Variants in SESTD1 observed in about 807,000 individuals in gnomAD.
SESTD1 encodes the protein SEC14 domain and spectrin repeat-containing protein 1.
Under a neutral mutation model 101.7 loss-of-function variants are expected in SESTD1, and 43 were observed. The ratio of observed to expected loss-of-function variants is 0.42; its 90% confidence interval spans 0.33 to 0.55. The LOEUF is 0.55. Ranked by LOEUF, SESTD1 falls within the 20% of genes least tolerant of loss-of-function variation. The probability of loss-of-function intolerance (pLI) is 0.07; values close to 1 mark genes in which losing one functional copy is unlikely to be tolerated. For missense variants in SESTD1, 647 were observed against 815.1 expected (o/e 0.79, Z 2.51); for synonymous variants, 283 against 286.8 (o/e 0.99, Z 0.13).
intron 5 of SESTD1, among the ~76,000 whole-genome samples, chr2:179,155,175 TA>T (rs915625366): frequency 2.0e-5 from 3 of 152,076 alleles, no homozygotes; most frequent in Admixed American, 6.5e-5. Context: ...CCTGGCCTCC[TA>T]AAGTGCTAGG....
At chr2:179,179,635 T>A (rs1408649508) in intron 3 of SESTD1, among the ~76,000 whole-genome samples, 1 of 152,238 alleles carries the variant, frequency 6.6e-6, no homozygotes, top group African/African-American at 2.4e-5. Flanking sequence ...AAAGCAAGAA[T>A]GTTATCTTAC....
intron 1 of SESTD1, among the ~76,000 whole-genome samples, chr2:179,249,167 C>T (rs1423155648): frequency 7.5e-6 from 1 of 133,554 alleles, no homozygotes; most frequent in Admixed American, 7.7e-5. Context: ...TTTGGAAGTT[C>T]TAATCAGTGC....
intron 1 of SESTD1, among the ~76,000 whole-genome samples, chr2:179,195,801 GA>G (rs1007583293): frequency 2.7e-5 from 4 of 149,828 alleles, no homozygotes; most frequent in African/African-American, 9.9e-5. Context: ...AGAGAGACAT[GA>G]AGAAGGTTAT....
chr2:179,260,507 C>T (rs990195510), intron 1 of SESTD1, among the ~76,000 whole-genome samples: 9 of 152,066 alleles, frequency 5.9e-5, no homozygotes, highest in African/African-American at 2.2e-4. Flanking sequence ...CAGAGTGAGA[C>T]CCTGTCTCAA....
At chr2:179,112,102 T>A (rs2044524149) in intron 17 of SESTD1, among the ~76,000 whole-genome samples, 1 of 152,110 alleles carries the variant, frequency 6.6e-6, no homozygotes, top group Admixed American at 6.6e-5. Context: ...AATGGAAAGG[T>A]GTAAGATAAT....
intron 1 of SESTD1, among the ~76,000 whole-genome samples, chr2:179,221,611 T>A (rs2046816588): frequency 7.2e-6 from 1 of 138,664 alleles, no homozygotes; most frequent in Non-Finnish European, 1.6e-5. Context: ...AGAGTGAGAC[T>A]GTTAAGGAAA....
chr2:179,234,277 C>T (rs1244022548), intron 1 of SESTD1, among the ~76,000 whole-genome samples: 4 of 152,156 alleles, frequency 2.6e-5, no homozygotes, highest in Admixed American at 6.5e-5. Flanking sequence ...GCAGATTAGA[C>T]TTACCAGCCT....
In SESTD1 at chr2:179,110,057, C is replaced by T. The variant is rs372045930; in HGVS notation, c.1962-29G>A. ...AAAATCAAAACACACAGAAAAACCT[C>T]AGATTAATACAAATCTATTAACTGC... is the stretch of plus-strand genomic sequence containing the variant. On this transcript the variant is annotated intron_variant, in intron 17 of 17. Transcript: ENST00000428443. 3.8e-4 allele frequency: 608 copies of T among 1,608,690 alleles called. 1 individual carries two copies. The highest frequency in any genetic ancestry group is 4.7e-4 in the Non-Finnish European group (550 of 1,177,344).
At chr2:179,144,094 T>C (rs1459817810) in intron 8 of SESTD1, among the ~76,000 whole-genome samples, 1 of 151,452 alleles carries the variant, frequency 6.6e-6, no homozygotes, top group Non-Finnish European at 1.5e-5. Flanking sequence ...ATACTACATA[T>C]TAAATATGGC....
intron 5 of SESTD1, among the ~76,000 whole-genome samples, chr2:179,151,607 AAAC>A (rs141527829): frequency 0.013 from 1,928 of 152,300 alleles, 37 homozygotes; most frequent in Middle Eastern, 0.02. Flanking sequence ...ACATTTTAAA[AAAC>A]AACAGGTACC....
At chr2:179,142,762 A>C (rs74836990) in intron 9 of SESTD1, among the ~76,000 whole-genome samples, 4,076 of 152,296 alleles carry the variant, frequency 0.027, 86 homozygotes, top group Non-Finnish European at 0.035. Flanking sequence ...ACCTGAAGCT[A>C]GAGAAATAAT....
chr2:179,215,654 T>C (rs1197544156), intron 1 of SESTD1, among the ~76,000 whole-genome samples: 2 of 134,086 alleles, frequency 1.5e-5, no homozygotes, highest in Non-Finnish European at 3.2e-5. Flanking sequence ...GCCAGCATCA[T>C]CCTGATTCCA....
Position 179,124,438 on chromosome 2 carries a change from G to T in SESTD1, c.1093C>A (p.Arg365=), listed in dbSNP as rs1354402436. The T allele has an allele frequency of 1.2e-6, 2 of 1,614,028 alleles. No homozygotes were observed. The highest frequency in any genetic ancestry group is 1.7e-6 in the Non-Finnish European group (2 of 1,179,962). Residue 365 remains arginine (R), a synonymous_variant, in exon 11 of 18, where the codon CGA becomes AGA. Transcript: ENST00000428443. Reference sequence around the variant, plus strand: ...CTAAATTCCAGCTGACTGGCCTGTCGATAACAAACATCACTAAGTTGTTGC... The same window carrying T: ...CTAAATTCCAGCTGACTGGCCTGTCTATAACAAACATCACTAAGTTGTTGC... ...LQQQLSDVCY[R]QASQLEFRQN...
rs2044432575 is a variant in SESTD1, at chr2:179,108,403, A to T, written c.*1496T>A. 6.6e-6 allele frequency: 1 copy of T among 152,280 alleles called. No individual in the cohort carries two copies. The highest frequency in any genetic ancestry group is 2.4e-5 in the African/African-American group (1 of 41,436). 9.4% of individuals were successfully genotyped at this position (152,280 alleles called of 1,614,324 possible). Reference sequence around the variant, plus strand: ...GGTAAGGGATTCAGACGGAGAAAAAAACCATTCAGTTTGGTAACTGGGAGG... The same window carrying T: ...GGTAAGGGATTCAGACGGAGAAAAATACCATTCAGTTTGGTAACTGGGAGG... On this transcript the variant is annotated 3_prime_UTR_variant, in exon 18 of 18. Transcript: ENST00000428443.
At chr2:179,177,779 A>G (rs2046036370) in intron 3 of SESTD1, among the ~76,000 whole-genome samples, 1 of 152,256 alleles carries the variant, frequency 6.6e-6, no homozygotes, top group African/African-American at 2.4e-5. Context: ...TAATAGCTGA[A>G]GAGTAGAAAC....
At chr2:179,256,279 A>G (rs1330153453) in intron 1 of SESTD1, among the ~76,000 whole-genome samples, 2 of 152,246 alleles carry the variant, frequency 1.3e-5, no homozygotes, top group Non-Finnish European at 2.9e-5. Flanking sequence ...AGAACATTCT[A>G]GAAAAGATTC....
rs185230276 is a variant in SESTD1, at chr2:179,206,332, A to G, written c.-25-14466T>C. ...AAAACAGCTAAAAAACTGTGAATCA[A>G]TGAAGTGTGAGAGGGGGAAAAGTCA... On this transcript the variant is annotated intron_variant, in intron 1 of 17. Coordinates refer to ENST00000428443, the MANE Select transcript of SESTD1 (RefSeq NM_178123.5). 4.4e-3 allele frequency among the ~76,000 whole-genome samples: 577 copies of G among 131,972 alleles called. 95 individuals are homozygous for G. The highest frequency in any genetic ancestry group is 6.5e-3 in the Non-Finnish European group (392 of 60,434). 86.6% of individuals were successfully genotyped at this position (131,972 alleles called of 152,430 possible).
intron 17 of SESTD1, among the ~76,000 whole-genome samples, chr2:179,111,042 G>A (rs1227556396): frequency 6.6e-6 from 1 of 152,164 alleles, no homozygotes; most frequent in African/African-American, 2.4e-5. Flanking sequence ...TTCCTAGGCT[G>A]ACATGGGTAG....
At chr2:179,235,656 T>C (rs908652416) in intron 1 of SESTD1, among the ~76,000 whole-genome samples, 10 of 152,178 alleles carry the variant, frequency 6.6e-5, no homozygotes, top group Admixed American at 2.0e-4. Context: ...ATTACCATAT[T>C]ACCTTGGAAA....
Sources: allele counts gnomAD v4.1 joint callset (sites outside exome capture counted in the v4.1 genomes callset), GRCh38; gene constraint gnomAD v4.1.1; transcripts MANE v1.5; gene names NCBI Gene and HGNC (gene_info 2026-07-23, HGNC 2026-07-21).